LRRC4C: variants seen among roughly 807,000 people sequenced by gnomAD.
The protein encoded by LRRC4C is leucine rich repeat containing 4C, also known as leucine-rich repeat-containing protein 4C.
A neutral mutation model predicts 33.6 loss-of-function variants in LRRC4C; 5 were observed. That is an observed-to-expected ratio of 0.15 (90% CI 0.08 to 0.31). LRRC4C has a LOEUF of 0.31. Ranked by LOEUF, LRRC4C falls within the 10% of genes least tolerant of loss-of-function variation. The pLI, the probability that LRRC4C is intolerant of heterozygous loss-of-function variation, is 1.00. For synonymous variants in LRRC4C, 329 were observed against 302.0 expected, an observed-to-expected ratio of 1.09 and a Z score of -0.93; for missense variants, 560 against 796.7, an observed-to-expected ratio of 0.70 and a Z score of 3.58.
chr11:40,386,717 G>C (rs16934773), intron 3 of LRRC4C, among the ~76,000 whole-genome samples: 1 of 152,118 alleles, frequency 6.6e-6, no homozygotes, highest in East Asian at 1.9e-4. Flanking sequence ...ATGTGCCAAA[G>C]TCTCAATATA....
intron 1 of LRRC4C, among the ~76,000 whole-genome samples, chr11:41,277,054 G>A (rs115346832): frequency 1.5e-3 from 230 of 152,272 alleles, no homozygotes; most frequent in African/African-American, 5.4e-3. Flanking sequence ...AATCATGAGA[G>A]TAGCAACCTT....
At chr11:40,724,530 G>A (rs1183248401) in intron 2 of LRRC4C, among the ~76,000 whole-genome samples, 3 of 151,630 alleles carry the variant, frequency 2.0e-5, no homozygotes, top group African/African-American at 7.3e-5. Flanking sequence ...CAAAATTAAA[G>A]CAGAAATAAA....
intron 1 of LRRC4C, among the ~76,000 whole-genome samples, chr11:41,186,279 C>T (rs1040401602): frequency 2.9e-4 from 44 of 152,188 alleles, no homozygotes; most frequent in African/African-American, 9.9e-4. Context: ...ATTATATATG[C>T]CTCAGTAGAG....
chr11:40,767,081 G>A (rs1949509777), intron 2 of LRRC4C, among the ~76,000 whole-genome samples: 1 of 151,402 alleles, frequency 6.6e-6, no homozygotes, highest in African/African-American at 2.4e-5. Flanking sequence ...CCTACCGAAA[G>A]CATACTTCAC....
At chr11:40,742,793 A>T (rs1344431452) in intron 2 of LRRC4C, among the ~76,000 whole-genome samples, 1 of 151,960 alleles carries the variant, frequency 6.6e-6, no homozygotes, top group Non-Finnish European at 1.5e-5. Context: ...TGTGATCACC[A>T]TTTGTTTTTG....
At chr11:41,244,031 C>A (rs1444559776) in intron 1 of LRRC4C, among the ~76,000 whole-genome samples, 1 of 152,002 alleles carries the variant, frequency 6.6e-6, no homozygotes, top group Non-Finnish European at 1.5e-5. Flanking sequence ...AAAACGGGAA[C>A]TAATTAAATA....
intron 3 of LRRC4C, among the ~76,000 whole-genome samples, chr11:40,580,197 A>G (rs990446892): frequency 1.3e-5 from 2 of 152,106 alleles, no homozygotes; most frequent in African/African-American, 4.8e-5. Context: ...AAGAGGTTTA[A>G]TTGACTCACA....
At chr11:40,439,220 G>A (rs1044277322) in intron 3 of LRRC4C, among the ~76,000 whole-genome samples, 3 of 151,214 alleles carry the variant, frequency 2.0e-5, no homozygotes, top group East Asian at 2.0e-4. Context: ...GATTAGAGGC[G>A]TGAGCCACTG....
intron 3 of LRRC4C, among the ~76,000 whole-genome samples, chr11:40,478,859 T>C (rs59288233): frequency 0.019 from 2,950 of 152,262 alleles, 40 homozygotes; most frequent in South Asian, 0.034. Context: ...AAAATCTGCA[T>C]TAGGAGGTTT....
At chr11:41,247,708 A>T (rs1212491147) in intron 1 of LRRC4C, among the ~76,000 whole-genome samples, 1 of 152,136 alleles carries the variant, frequency 6.6e-6, no homozygotes, top group East Asian at 1.9e-4. Context: ...TCAACAACAA[A>T]CCATTTTCCA....
intron 1 of LRRC4C, among the ~76,000 whole-genome samples, chr11:41,301,556 C>A (rs1950289399): frequency 6.6e-6 from 1 of 152,162 alleles, no homozygotes; most frequent in Non-Finnish European, 1.5e-5. Context: ...ATGGTCTATG[C>A]AAGCACAGTG....
chr11:40,806,603 C>T (rs1479789059), intron 2 of LRRC4C, among the ~76,000 whole-genome samples: 1 of 152,144 alleles, frequency 6.6e-6, no homozygotes, highest in Non-Finnish European at 1.5e-5. Flanking sequence ...ATTGATGGAA[C>T]AAAATTTTGG....
At chr11:41,123,915 G>C (rs532853486) in intron 1 of LRRC4C, among the ~76,000 whole-genome samples, 7 of 152,124 alleles carry the variant, frequency 4.6e-5, no homozygotes, top group Admixed American at 4.6e-4. Flanking sequence ...TATTAAGTTT[G>C]AGATCAACTT....
intron 1 of LRRC4C, among the ~76,000 whole-genome samples, chr11:41,284,389 C>T (rs746309743): frequency 1.2e-4 from 18 of 152,204 alleles, no homozygotes; most frequent in Non-Finnish European, 2.4e-4. Flanking sequence ...TACGCTCTCA[C>T]ACTTTTTTTA....
rs149010920 is a variant in LRRC4C, at chr11:41,062,930, T to TGA, written c.-495-129209_-495-129208dup. ...AAGGATTTCTAGCAACCACCAGAAA[T>TGA]GAGAGAGAGAGAGAGAGAGAGTGAG... is the stretch of plus-strand genomic sequence containing the variant. On this transcript the variant is annotated intron_variant, in intron 1 of 6. Transcript: ENST00000528697. Among the ~76,000 whole-genome samples, 168 of 148,376 alleles carry TGA rather than the reference T, an allele frequency of 1.1e-3. 1 individual carries two copies. The highest frequency in any genetic ancestry group is 2.1e-3 in the African/African-American group (84 of 40,528).
intron 3 of LRRC4C, among the ~76,000 whole-genome samples, chr11:40,500,372 G>A (rs184660618): frequency 1.4e-5 from 2 of 140,650 alleles, no homozygotes; most frequent in African/African-American, 5.3e-5. Flanking sequence ...ATAATCTATT[G>A]TTCAATAAAG....
intron 2 of LRRC4C, among the ~76,000 whole-genome samples, chr11:40,656,497 A>T (rs974210259): frequency 6.7e-6 from 1 of 149,768 alleles, no homozygotes; most frequent in Non-Finnish European, 1.5e-5. Context: ...TGAAAAAGGC[A>T]ATACATTTAT....
chr11:40,340,464 G>A (rs191610558), intron 3 of LRRC4C, among the ~76,000 whole-genome samples: 119 of 152,204 alleles, frequency 7.8e-4, no homozygotes, highest in Non-Finnish European at 1.3e-3. Flanking sequence ...TTGGGACTGA[G>A]GAATGTATGT....
intron 1 of LRRC4C, among the ~76,000 whole-genome samples, chr11:41,204,679 T>C (rs1336582125): frequency 1.3e-5 from 2 of 152,230 alleles, no homozygotes; most frequent in African/African-American, 4.8e-5. Flanking sequence ...TGCTAAAATA[T>C]ATTGAGCTCC....
Sources: allele counts gnomAD v4.1 joint callset (sites outside exome capture counted in the v4.1 genomes callset), GRCh38; gene constraint gnomAD v4.1.1; transcripts MANE v1.5; gene names NCBI Gene and HGNC (gene_info 2026-07-23, HGNC 2026-07-21).